TUT7: variants seen among roughly 807,000 people sequenced by gnomAD.
TUT7 encodes terminal uridylyltransferase 7.
In TUT7, 33 loss-of-function variants were observed where a neutral mutation model predicts 165.9. The observed-to-expected ratio is 0.20, with a 90% CI of 0.15 to 0.27. The LOEUF (loss-of-function observed/expected upper bound fraction) is 0.27, where lower values mean the gene tolerates loss of function less well. Among genes scored for constraint, TUT7 ranks in the 10% least tolerant of loss-of-function variants. The probability of loss-of-function intolerance (pLI) is 1.00; values close to 1 mark genes in which losing one functional copy is unlikely to be tolerated. For synonymous variants in TUT7, 552 were observed against 608.1 expected, an observed-to-expected ratio of 0.91 and a Z score of 1.36; for missense variants, 1,338 against 1,762.3, an observed-to-expected ratio of 0.76 and a Z score of 4.31.
At chr9:86,349,875 A>G (rs781627114) in intron 2 of TUT7, among the ~76,000 whole-genome samples, 1 of 152,238 alleles carries the variant, frequency 6.6e-6, no homozygotes, top group African/African-American at 2.4e-5. Context: ...CAATAAAAAA[A>G]TAGCAAAATG....
chr9:86,308,375 C>T (rs1467538353), intron 22 of TUT7, 54 bp downstream of exon 22: 8 of 1,485,526 alleles, frequency 5.4e-6, no homozygotes, highest in Admixed American at 1.9e-5. Flanking sequence ...GAACAATGTC[C>T]TTATAGTTCA....
At chr9:86,340,142 T>G in intron 7 of TUT7, 37 bp from the exon 8 acceptor site, 1 of 1,565,854 alleles carries the variant, frequency 6.4e-7, no homozygotes. Context: ...AGTTGGTTAA[T>G]TAAAGCTTTG....
chr9:86,339,214 G>A (rs373328923), intron 8 of TUT7, among the ~76,000 whole-genome samples: 3 of 152,214 alleles, frequency 2.0e-5, no homozygotes, highest in African/African-American at 4.8e-5. Context: ...GGGGGGAAAT[G>A]CAAATAAGGA....
At chr9:86,333,543 T>C (rs1373982015) in intron 10 of TUT7, among the ~76,000 whole-genome samples, 1 of 152,262 alleles carries the variant, frequency 6.6e-6, no homozygotes. Flanking sequence ...TTATAATTTT[T>C]TGGATTTCTA....
At chr9:86,347,662 T>C (rs1383255391) in intron 2 of TUT7, among the ~76,000 whole-genome samples, 1 of 151,860 alleles carries the variant, frequency 6.6e-6, no homozygotes, top group African/African-American at 2.4e-5. Flanking sequence ...TTCCACAATA[T>C]AAGAAAATTA....
At chr9:86,320,246 A>AG (rs1381123048) in intron 14 of TUT7, among the ~76,000 whole-genome samples, 1 of 146,280 alleles carries the variant, frequency 6.8e-6, no homozygotes, top group African/African-American at 2.5e-5. Flanking sequence ...ATATAAAAAA[A>AG]AAAAATTTCC....
At chr9:86,345,256 C>T in intron 4 of TUT7, 102 bp from the exon 5 acceptor site, 1 of 1,104,132 alleles carries the variant, frequency 9.1e-7, no homozygotes, top group Admixed American at 2.9e-5. Context: ...TTTCTTAGCC[C>T]TCCCTTCTCA....
At chr9:86,333,888 C>T (rs1009980302) in intron 10 of TUT7, among the ~76,000 whole-genome samples, 3 of 152,186 alleles carry the variant, frequency 2.0e-5, no homozygotes, top group Non-Finnish European at 4.4e-5. Flanking sequence ...GCTGTCGTAG[C>T]TGAAAATTCC....
At chr9:86,339,402 CA>C (rs1239488897) in intron 8 of TUT7, among the ~76,000 whole-genome samples, 1 of 152,042 alleles carries the variant, frequency 6.6e-6, no homozygotes, top group Non-Finnish European at 1.5e-5. Flanking sequence ...CCTGTACTCC[CA>C]ACTACTCGGA....
Position 86,345,760 on chromosome 9 carries a change from T to C in TUT7, c.728A>G (p.Lys243Arg). Residue 243 changes from lysine to arginine, a missense_variant, in exon 4 of 27, where the codon AAG (lysine) becomes AGG (arginine). Lys to Arg is a conservative substitution (Grantham distance 26). Coordinates refer to ENST00000375963, the MANE Select transcript of TUT7 (RefSeq NM_024617.4). ...AACATCACAGAGTCTGCAGGTGTACTTTGCTGTAGGGTAGTTTCGTGGTCG... is the reference window on the plus strand; with the variant it reads ...AACATCACAGAGTCTGCAGGTGTACCTTGCTGTAGGGTAGTTTCGTGGTCG... ...KRRPRNYPTA[K>R]YTCRLCDVLI... The C allele has an allele frequency of 6.2e-7, 1 of 1,613,330 alleles. No homozygotes were observed. The highest frequency in any genetic ancestry group is 1.7e-5 in the Admixed American group (1 of 59,938).
At chr9:86,291,643 A>C (rs1272571809) in intron 26 of TUT7, among the ~76,000 whole-genome samples, 9 of 152,128 alleles carry the variant, frequency 5.9e-5, no homozygotes, top group Admixed American at 2.6e-4. Context: ...CATGAGAACA[A>C]CACCAAAGTA....
chr9:86,332,334 T>C (rs570551444), intron 10 of TUT7, among the ~76,000 whole-genome samples: 1 of 151,312 alleles, frequency 6.6e-6, no homozygotes, highest in East Asian at 2.0e-4. Context: ...ATGGTACATA[T>C]ACACCGTGGA....
At chr9:86,329,032 T>A (rs10780757) in intron 10 of TUT7, among the ~76,000 whole-genome samples, 35,400 of 152,148 alleles carry the variant, frequency 0.23, 4,425 homozygotes, top group East Asian at 0.48. Context: ...TTACAAGAAC[T>A]AGATCCAGCT....
intron 5 of TUT7, among the ~76,000 whole-genome samples, chr9:86,343,955 C>A (rs1389242168): frequency 6.6e-6 from 1 of 152,150 alleles, no homozygotes; most frequent in Non-Finnish European, 1.5e-5. Context: ...CAGTTTTCCA[C>A]AACAAAGTAC....
intron 5 of TUT7, among the ~76,000 whole-genome samples, chr9:86,344,284 C>A (rs981316201): frequency 1.3e-5 from 2 of 151,904 alleles, no homozygotes; most frequent in Admixed American, 6.6e-5. Flanking sequence ...AACCATTTAC[C>A]TAAACAGCAA....
chr9:86,353,250 G>A lies in TUT7; in HGVS notation c.-31-20C>T. 2 of 1,505,838 alleles carry A rather than the reference G, an allele frequency of 1.3e-6. No homozygotes were observed. The highest frequency in any genetic ancestry group is 1.4e-5 in the South Asian group (1 of 73,242). 93.3% of individuals were successfully genotyped at this position (1,505,838 alleles called of 1,614,324 possible). A position where few individuals can be genotyped will look rare whatever the true frequency, so the allele number is the denominator to read the frequency against. On this transcript the variant is annotated intron_variant, in intron 1 of 26. Transcript: ENST00000375963. Reference sequence around the variant, plus strand: ...TTGCACCTGAAAGAAGGTATTTTGGGGAAATATCAAACTATATAACAAGAT... The same window carrying A: ...TTGCACCTGAAAGAAGGTATTTTGGAGAAATATCAAACTATATAACAAGAT...
At chr9:86,295,116 A>T (rs1826200633) in intron 26 of TUT7, among the ~76,000 whole-genome samples, 1 of 151,750 alleles carries the variant, frequency 6.6e-6, no homozygotes, top group South Asian at 2.1e-4. Context: ...CATCTCAGGG[A>T]GAAGTTCAAA....
intron 10 of TUT7, among the ~76,000 whole-genome samples, chr9:86,330,567 T>C (rs1053828505): frequency 2.6e-5 from 4 of 152,254 alleles, no homozygotes; most frequent in Non-Finnish European, 5.9e-5. Context: ...TTTAGTGATA[T>C]TTTCTGAAGA....
chr9:86,306,882 C>T (rs1169506936), intron 22 of TUT7, among the ~76,000 whole-genome samples: 3 of 152,158 alleles, frequency 2.0e-5, no homozygotes, highest in Admixed American at 1.3e-4. Context: ...ATGAATGAAG[C>T]CTTCTTTTTA....
Sources: gnomAD v4.1 joint callset for allele counts (sites outside exome capture counted in the v4.1 genomes callset) on GRCh38, gnomAD v4.1.1 for gene constraint, MANE v1.5 for transcripts, NCBI Gene and HGNC (gene_info 2026-07-23, HGNC 2026-07-21) for gene names.